The following ZNF804A variants were observed in gnomAD, a reference collection of about 807,000 sequenced individuals.
The protein encoded by ZNF804A is zinc finger protein 804A.
A neutral mutation model predicts 16.5 loss-of-function variants in ZNF804A; 2 were observed. The observed-to-expected ratio is 0.12, with a 90% confidence interval of 0.05 to 0.38. ZNF804A has a LOEUF of 0.38. ZNF804A is among the 10% of genes least tolerant of loss of function. The probability of loss-of-function intolerance (pLI) is 0.99; values close to 1 mark genes in which losing one functional copy is unlikely to be tolerated. For missense variants in ZNF804A, 1,473 were observed against 1,390.7 expected (o/e 1.06, Z -0.94); for synonymous variants, 534 against 489.6 (o/e 1.09, Z -1.20).
intron 1 of ZNF804A, among the ~76,000 whole-genome samples, chr2:184,768,759 CT>C (rs1181525231): frequency 6.6e-6 from 1 of 151,912 alleles, no homozygotes; most frequent in African/African-American, 2.4e-5. Context: ...AATTTTGGAC[CT>C]TTGTTAAATT....
chr2:184,938,216 T>A lies in ZNF804A; in HGVS notation c.2820T>A (p.Ser940Arg). The A allele has an allele frequency of 1.2e-6, 2 of 1,613,918 alleles. No individual in the cohort carries two copies. The highest frequency in any genetic ancestry group is 8.5e-7 in the Non-Finnish European group (1 of 1,179,970). ...DNTLLEHKERSENINLNEKQI... is the reference protein window; with the variant it reads ...DNTLLEHKERRENINLNEKQI... Reference sequence around the variant, plus strand: ...CCCTGCTTGAACACAAAGAAAGAAGTGAGAATATAAATCTTAATGAAAAGC... The same window carrying A: ...CCCTGCTTGAACACAAAGAAAGAAGAGAGAATATAAATCTTAATGAAAAGC... Residue 940 changes from serine (S) to arginine (R), a missense_variant, in exon 4 of 4, where the codon AGT becomes AGA. Transcript: ENST00000302277.
At chr2:184,802,999 A>G (rs1694749408) in intron 1 of ZNF804A, among the ~76,000 whole-genome samples, 1 of 152,220 alleles carries the variant, frequency 6.6e-6, no homozygotes, top group South Asian at 2.1e-4. Context: ...CAAGTCACTG[A>G]CTAGTAAGGT....
At chr2:184,882,537 A>G (rs1684824969) in intron 2 of ZNF804A, among the ~76,000 whole-genome samples, 3 of 151,918 alleles carry the variant, frequency 2.0e-5, no homozygotes, top group Admixed American at 1.3e-4. Flanking sequence ...CATACTCACG[A>G]TCATATAAAA....
chr2:184,856,111 G>A (rs1390481685), intron 1 of ZNF804A, among the ~76,000 whole-genome samples: 4 of 151,280 alleles, frequency 2.6e-5, no homozygotes, highest in Admixed American at 2.0e-4. Flanking sequence ...AGACAACATA[G>A]TAAATATGTG....
intron 1 of ZNF804A, among the ~76,000 whole-genome samples, chr2:184,706,176 C>G (rs1424978166): frequency 6.6e-6 from 1 of 152,168 alleles, no homozygotes; most frequent in Admixed American, 6.6e-5. Flanking sequence ...GTGGATACAG[C>G]CCATGAGTTG....
At position 184,939,258 on chromosome 2, in the gene ZNF804A, C is replaced by A; in HGVS notation, c.*232C>A. 1 of 447,646 alleles carries A rather than the reference C, an allele frequency of 2.2e-6. No homozygotes were observed. Among genetic ancestry groups the A allele is most frequent in the Non-Finnish European group, 4.0e-6 (1 of 253,058 alleles). 27.7% of individuals were successfully genotyped at this position (447,646 alleles called of 1,614,324 possible). A position where few individuals can be genotyped will look rare whatever the true frequency, so the allele number is the denominator to read the frequency against. On this transcript the variant is annotated 3_prime_UTR_variant, in exon 4 of 4. Coordinates refer to ENST00000302277, the MANE Select transcript of ZNF804A (RefSeq NM_194250.2). Reference sequence around the variant, plus strand: ...AGTTTGAAAATCAATACAATATATGCTATATATTAAAATGATGTCTTAAGA... The same window carrying A: ...AGTTTGAAAATCAATACAATATATGATATATATTAAAATGATGTCTTAAGA...
intron 1 of ZNF804A, among the ~76,000 whole-genome samples, chr2:184,772,559 T>C (rs1360720478): frequency 2.0e-5 from 3 of 151,936 alleles, no homozygotes; most frequent in Non-Finnish European, 4.4e-5. Context: ...TTTTTAGCTA[T>C]TGTCAATATT....
intron 1 of ZNF804A, among the ~76,000 whole-genome samples, chr2:184,714,821 C>A (rs922491900): frequency 5.3e-5 from 8 of 151,758 alleles, no homozygotes; most frequent in Non-Finnish European, 8.8e-5. Flanking sequence ...TATTTTAAGA[C>A]AAAATAAAAT....
At chr2:184,666,337 A>G (rs939471470) in intron 1 of ZNF804A, among the ~76,000 whole-genome samples, 3 of 152,148 alleles carry the variant, frequency 2.0e-5, no homozygotes, top group Non-Finnish European at 4.4e-5. Context: ...AAACAGATTC[A>G]TTTCAAAGCC....
intron 1 of ZNF804A, among the ~76,000 whole-genome samples, chr2:184,819,850 C>T (rs1368329922): frequency 6.6e-6 from 1 of 151,940 alleles, no homozygotes; most frequent in Non-Finnish European, 1.5e-5. Context: ...AACATATACC[C>T]TCCCAAGAAT....
intron 1 of ZNF804A, among the ~76,000 whole-genome samples, chr2:184,693,565 T>C (rs920652312): frequency 1.6e-4 from 24 of 152,320 alleles, no homozygotes; most frequent in Middle Eastern, 3.4e-3. Context: ...ACTTACCTGT[T>C]TTCCCAGGAG....
chr2:184,681,656 GT>G (rs1692541728), intron 1 of ZNF804A, among the ~76,000 whole-genome samples: 1 of 152,234 alleles, frequency 6.6e-6, no homozygotes, highest in African/African-American at 2.4e-5. Flanking sequence ...AGCCTGTCTG[GT>G]GCAGTCACTG....
chr2:184,764,387 T>C (rs1238450809), intron 1 of ZNF804A, among the ~76,000 whole-genome samples: 6 of 152,220 alleles, frequency 3.9e-5, no homozygotes, highest in African/African-American at 1.4e-4. Context: ...CGTTTCAGTA[T>C]TTTGTATTTC....
chr2:184,641,000 G>A (rs1574143089), intron 1 of ZNF804A, among the ~76,000 whole-genome samples: 1 of 152,116 alleles, frequency 6.6e-6, no homozygotes, highest in South Asian at 2.1e-4. Flanking sequence ...TGTCGCTCAG[G>A]CTGGAGTGCG....
chr2:184,863,392 T>G (rs968763491), intron 1 of ZNF804A, among the ~76,000 whole-genome samples: 13 of 152,254 alleles, frequency 8.5e-5, no homozygotes, highest in African/African-American at 3.1e-4. Flanking sequence ...TAGCTATAGT[T>G]ACTTTTAAAT....
intron 2 of ZNF804A, among the ~76,000 whole-genome samples, chr2:184,916,145 C>A (rs1685446708): frequency 6.6e-6 from 1 of 151,718 alleles, no homozygotes; most frequent in Non-Finnish European, 1.5e-5. Context: ...CAAAAGCTTG[C>A]AAAAAATAGT....
rs34114485 is a variant in ZNF804A, at chr2:184,864,875, A to ATTTTTTT, written c.112-1477_112-1471dup. Among the ~76,000 whole-genome samples, 54 of 105,470 alleles carry ATTTTTTT rather than the reference A, an allele frequency of 5.1e-4. 1 individual carries two copies. The highest frequency in any genetic ancestry group is 5.9e-4 in the Non-Finnish European group (33 of 55,516). 69.2% of individuals were successfully genotyped at this position (105,470 alleles called of 152,430 possible). ...TAAGAGACTTGAATATATAGTTAGG[A>ATTTTTTT]TTTTTTTTTTTTTTTTTTTTTTTGA... On this transcript the variant is annotated intron_variant, in intron 1 of 3. Transcript: ENST00000302277.
intron 1 of ZNF804A, among the ~76,000 whole-genome samples, chr2:184,636,444 TGTGTGTGTGA>T (rs1301452297): frequency 1.5e-5 from 2 of 137,856 alleles, no homozygotes; most frequent in African/African-American, 2.7e-5. Context: ...TGTGTGTGTG[TGTGTGTGTGA>T]GAGAGAGAGA....
intron 2 of ZNF804A, among the ~76,000 whole-genome samples, 179 bp downstream of exon 2, chr2:184,866,691 TTA>T (rs1695881983): frequency 1.3e-5 from 2 of 151,006 alleles, no homozygotes; most frequent in Non-Finnish European, 1.5e-5. Flanking sequence ...TTTTTTTTTT[TTA>T]AAAAAAAAGG....
Sources: gnomAD v4.1 joint callset for allele counts (sites outside exome capture counted in the v4.1 genomes callset) on GRCh38, gnomAD v4.1.1 for gene constraint, MANE v1.5 for transcripts, NCBI Gene and HGNC (gene_info 2026-07-23, HGNC 2026-07-21) for gene names.